The following CCDC34 variants were observed in gnomAD, a reference collection of about 807,000 sequenced individuals.
CCDC34 encodes coiled-coil domain containing 34, also known as coiled-coil domain-containing protein 34.
Under a neutral mutation model 44.1 loss-of-function variants are expected in CCDC34, and 40 were observed. The ratio of observed to expected loss-of-function variants is 0.91; its 90% CI spans 0.70 to 1.18. The LOEUF is 1.18. CCDC34 is among the 50% of genes most tolerant of loss of function. CCDC34 has a pLI of 0.00. For missense variants in CCDC34, 466 were observed against 452.3 expected (o/e 1.03, Z -0.28); for synonymous variants, 159 against 158.2 (o/e 1.01, Z -0.04).
intron 1 of CCDC34, among the ~76,000 whole-genome samples, chr11:27,358,958 A>ACCCCCCCCCCCCCCCCCCCC (rs71050907): frequency 2.3e-5 from 2 of 88,174 alleles, no homozygotes; most frequent in Non-Finnish European, 4.5e-5. Flanking sequence ...CAACATGTGG[A>ACCCCCCCCCCCCCCCCCCCC]CCCCCCCCCC....
intron 1 of CCDC34, among the ~76,000 whole-genome samples, chr11:27,360,503 A>C (rs1862647116): frequency 6.6e-6 from 1 of 152,178 alleles, no homozygotes; most frequent in African/African-American, 2.4e-5. Context: ...GGCATGGAGA[A>C]AAGGCATAAA....
intron 5 of CCDC34, among the ~76,000 whole-genome samples, chr11:27,339,938 A>G (rs183305268): frequency 7.2e-5 from 11 of 152,084 alleles, no homozygotes; most frequent in African/African-American, 2.7e-4. Flanking sequence ...AGCAAGAAAC[A>G]AAAAGAAGGA....
At chr11:27,340,964 C>A in intron 4 of CCDC34, 127 bp from the exon 5 acceptor site, 1 of 742,368 alleles carries the variant, frequency 1.3e-6, no homozygotes, top group Non-Finnish European at 2.2e-6. Flanking sequence ...AATACTGAAT[C>A]ATATTTTTAT....
In CCDC34 at chr11:27,347,123, A is replaced by G. The variant is rs548768511; in HGVS notation, c.606+3209T>C. Among the ~76,000 whole-genome samples, 293 of 152,320 alleles carry G rather than the reference A, an allele frequency of 1.9e-3. No individual in the cohort carries two copies. In the Middle Eastern group the frequency reaches 0.024, roughly 12 times the overall value. On this transcript the variant is annotated intron_variant, in intron 3 of 5. Transcript: ENST00000328697. ...AGCTTATGAAAATACGCTAAACATC[A>G]TCAGATCTCAGGGAAATGAAAATTA...
At position 27,363,124 on chromosome 11, in the gene CCDC34, G is replaced by A. The variant is rs956853731; in HGVS notation, c.71C>T (p.Pro24Leu). ...SYAGFSADCR[P>L]RSRPSSDSCS... ...GGAGTCCGAGGAGGGCCGAGACCTG[G>A]GTCTGCAGTCAGCAGAGAAACCGGC... The change falls in exon 1 of 6, where the codon CCC becomes CTC. Residue 24 changes from proline to leucine, a missense_variant. Transcript: ENST00000328697. The A allele has an allele frequency of 1.9e-5, 30 of 1,563,076 alleles. No individual in the cohort carries two copies. Among genetic ancestry groups the A allele is most frequent in the Non-Finnish European group, 2.3e-5 (27 of 1,155,884 alleles).
chr11:27,361,864 G>T (rs1320698623), intron 1 of CCDC34, among the ~76,000 whole-genome samples: 1 of 152,222 alleles, frequency 6.6e-6, no homozygotes, highest in East Asian at 1.9e-4. Context: ...ACTTGTAAAT[G>T]ATTTCCGAAG....
At chr11:27,350,781 C>A (rs1019882022) in intron 2 of CCDC34, among the ~76,000 whole-genome samples, 1 of 152,060 alleles carries the variant, frequency 6.6e-6, no homozygotes, top group Non-Finnish European at 1.5e-5. Flanking sequence ...AAGAGAATTG[C>A]AACTTTTTTT....
intron 2 of CCDC34, 74 bp from the exon 3 acceptor site, chr11:27,350,513 G>A (rs779710295): frequency 4.4e-6 from 6 of 1,368,616 alleles, no homozygotes; most frequent in Middle Eastern, 2.1e-4. Flanking sequence ...AAAGTCTGAG[G>A]TTATTAACCA....
chr11:27,354,442 T>C (rs1291765349), intron 2 of CCDC34, among the ~76,000 whole-genome samples: 1 of 152,188 alleles, frequency 6.6e-6, no homozygotes, highest in Non-Finnish European at 1.5e-5. Context: ...TGATGTTCAT[T>C]TAGTCCTCAT....
chr11:27,362,371 T>G (rs1009191432), intron 1 of CCDC34, among the ~76,000 whole-genome samples: 1 of 152,238 alleles, frequency 6.6e-6, no homozygotes, highest in East Asian at 1.9e-4. Context: ...TTCAGCACTT[T>G]ATGTTATAAA....
intron 4 of CCDC34, 116 bp downstream of exon 4, chr11:27,341,276 T>G: frequency 1.6e-6 from 1 of 607,644 alleles, no homozygotes; most frequent in South Asian, 3.5e-5. Context: ...TAGCTTCTTG[T>G]GTTTATTTTA....
At chr11:27,354,817 C>A (rs1862551975) in intron 2 of CCDC34, among the ~76,000 whole-genome samples, 2 of 152,002 alleles carry the variant, frequency 1.3e-5, no homozygotes, top group African/African-American at 4.8e-5. Flanking sequence ...TGTGATCACG[C>A]CACTACACTC....
chr11:27,351,307 G>A (rs1862501007), intron 2 of CCDC34, among the ~76,000 whole-genome samples: 1 of 152,116 alleles, frequency 6.6e-6, no homozygotes, highest in African/African-American at 2.4e-5. Flanking sequence ...CTTGGGCATG[G>A]GTGGTAGTGG....
intron 3 of CCDC34, chr11:27,349,141 T>C (rs1405764394): frequency 2.0e-6 from 2 of 981,984 alleles, no homozygotes; most frequent in Non-Finnish European, 2.4e-6. Context: ...GAAGGACTTT[T>C]AGAGGAAAGA....
At chr11:27,349,226 A>G (rs1267807151) in intron 3 of CCDC34, 3 of 950,030 alleles carry the variant, frequency 3.2e-6, no homozygotes, top group African/African-American at 1.8e-5. Flanking sequence ...CCAAAGTTTT[A>G]TAACAGTCAC....
intron 2 of CCDC34, among the ~76,000 whole-genome samples, chr11:27,354,962 T>C (rs1055843946): frequency 1.3e-5 from 2 of 152,106 alleles, no homozygotes; most frequent in Admixed American, 1.3e-4. Flanking sequence ...GAGAAGTTAA[T>C]TAACTTTTCT....
chr11:27,349,273 A>T (rs894212035), intron 3 of CCDC34: 1 of 927,658 alleles, frequency 1.1e-6, no homozygotes, highest in Non-Finnish European at 1.3e-6. Context: ...ATTCACAAAG[A>T]TCTCTTTCAT....
chr11:27,342,925 T>C (rs1862381457), intron 3 of CCDC34, among the ~76,000 whole-genome samples: 1 of 152,316 alleles, frequency 6.6e-6, no homozygotes, highest in Middle Eastern at 3.4e-3. Context: ...ATAAAAAGTA[T>C]ATGCAATACA....
intron 5 of CCDC34, 81 bp from the exon 6 acceptor site, chr11:27,339,116 T>C: frequency 2.0e-6 from 2 of 987,326 alleles, no homozygotes; most frequent in Non-Finnish European, 3.0e-6. Flanking sequence ...TCTAGAAAAA[T>C]GTTAAAATGT....
Sources: gnomAD v4.1 joint callset for allele counts (sites outside exome capture counted in the v4.1 genomes callset) on GRCh38, gnomAD v4.1.1 for gene constraint, MANE v1.5 for transcripts, NCBI Gene and HGNC (gene_info 2026-07-23, HGNC 2026-07-21) for gene names.